The following CTTNBP2NL variants were observed in gnomAD, a reference collection of about 807,000 sequenced individuals.
CTTNBP2NL encodes CTTNBP2 N-terminal like, also known as CTTNBP2 N-terminal-like protein.
In CTTNBP2NL, 16 loss-of-function variants were observed where a neutral mutation model predicts 32.5. That is an observed-to-expected ratio of 0.49 (90% CI 0.33 to 0.75). The LOEUF is 0.75. Among genes scored for constraint, CTTNBP2NL ranks in the 30% least tolerant of loss-of-function variants. CTTNBP2NL has a pLI of 0.02. For synonymous variants in CTTNBP2NL, 298 were observed against 289.4 expected (o/e 1.03, Z -0.30); for missense variants, 645 against 756.0 (o/e 0.85, Z 1.72).
intron 4 of CTTNBP2NL, among the ~76,000 whole-genome samples, chr1:112,452,335 C>CTTCTTTTTTTTTTTTTTTTTTTTTTTT (rs1553227272): frequency 1.2e-4 from 8 of 65,720 alleles, no homozygotes; most frequent in African/African-American, 4.9e-4. Flanking sequence ...CCAGTCTCTT[C>CTTCTTTTTTTTTTTTTTTTTTTTTTTT]TTTTTTTTTT....
chr1:112,451,860 G>A (rs2101032315), intron 4 of CTTNBP2NL, among the ~76,000 whole-genome samples: 1 of 151,644 alleles, frequency 6.6e-6, no homozygotes, highest in East Asian at 1.9e-4. Context: ...CCTCTCCTCT[G>A]CAGTACCTGC....
intron 1 of CTTNBP2NL, among the ~76,000 whole-genome samples, chr1:112,410,267 C>G (rs1648813758): frequency 6.6e-6 from 1 of 152,006 alleles, no homozygotes; most frequent in Admixed American, 6.6e-5. Flanking sequence ...TGGCGCATGC[C>G]TATAATCTCA....
rs377565330 is a variant in CTTNBP2NL at position 112,457,102 on chromosome 1, C to T, written c.1610C>T (p.Ala537Val). The change falls in exon 6 of 6, where the codon GCC (alanine) becomes GTC (valine). Residue 537 changes from alanine to valine, a missense_variant. By Grantham distance (64) the Ala-to-Val change is moderately conservative. Transcript: ENST00000271277. ...SPFGTDYRNL[A>V]NTANPRGDTS... Reference sequence around the variant, plus strand: ...TTTGGCACAGACTATCGAAATCTAGCCAACACTGCCAATCCAAGAGGTGAC... The same window carrying T: ...TTTGGCACAGACTATCGAAATCTAGTCAACACTGCCAATCCAAGAGGTGAC... 2.8e-5 allele frequency: 45 copies of T among 1,614,160 alleles called. No homozygotes were observed. In the African/African-American group the frequency reaches 5.2e-4, roughly 19 times the overall value.
At chr1:112,424,110 T>G (rs1304062357) in intron 3 of CTTNBP2NL, among the ~76,000 whole-genome samples, 3 of 152,184 alleles carry the variant, frequency 2.0e-5, no homozygotes, top group Non-Finnish European at 2.9e-5. Flanking sequence ...TTTCTCCTGT[T>G]TTTTTGTTTT....
intron 3 of CTTNBP2NL, among the ~76,000 whole-genome samples, chr1:112,444,592 TC>T (rs1195895035): frequency 1.3e-5 from 2 of 152,236 alleles, no homozygotes; most frequent in African/African-American, 4.8e-5. Flanking sequence ...CATCATGTTT[TC>T]TGACAATGTA....
chr1:112,452,335 C>CT (rs1157736195), intron 4 of CTTNBP2NL, among the ~76,000 whole-genome samples: 2,436 of 65,714 alleles, frequency 0.037, 225 homozygotes, highest in African/African-American at 0.074. Flanking sequence ...CCAGTCTCTT[C>CT]TTTTTTTTTT....
intron 4 of CTTNBP2NL, among the ~76,000 whole-genome samples, chr1:112,452,316 A>AC (rs1359842041): frequency 7.0e-6 from 1 of 142,752 alleles, no homozygotes; most frequent in Non-Finnish European, 1.5e-5. Flanking sequence ...ACAAGCATAC[A>AC]CCACAGCACC....
chr1:112,438,554 C>T (rs1649804547), intron 3 of CTTNBP2NL, among the ~76,000 whole-genome samples: 1 of 152,038 alleles, frequency 6.6e-6, no homozygotes, highest in African/African-American at 2.4e-5. Flanking sequence ...TATTTGGATG[C>T]CCTTTATTTA....
intron 3 of CTTNBP2NL, among the ~76,000 whole-genome samples, chr1:112,429,737 G>T (rs886396912): frequency 6.6e-6 from 1 of 152,042 alleles, no homozygotes; most frequent in Non-Finnish European, 1.5e-5. Context: ...GTAAATTATG[G>T]TATGATTGTA....
At chr1:112,450,621 T>C (rs769834402) in intron 4 of CTTNBP2NL, among the ~76,000 whole-genome samples, 1 of 152,170 alleles carries the variant, frequency 6.6e-6, no homozygotes, top group Non-Finnish European at 1.5e-5. Context: ...TTCATGCCCA[T>C]GGAAGGTGTA....
chr1:112,427,174 G>A (rs370418085), intron 3 of CTTNBP2NL, among the ~76,000 whole-genome samples: 2 of 152,052 alleles, frequency 1.3e-5, no homozygotes, highest in South Asian at 4.2e-4. Context: ...CTCCTTTTAT[G>A]GTAAACCATT....
intron 1 of CTTNBP2NL, among the ~76,000 whole-genome samples, chr1:112,403,921 A>G (rs935733038): frequency 6.6e-6 from 1 of 152,242 alleles, no homozygotes; most frequent in Non-Finnish European, 1.5e-5. Context: ...ATAGACAATG[A>G]TGACCCATTG....
At chr1:112,431,343 A>G (rs1649564765) in intron 3 of CTTNBP2NL, among the ~76,000 whole-genome samples, 1 of 152,256 alleles carries the variant, frequency 6.6e-6, no homozygotes, top group African/African-American at 2.4e-5. Context: ...AGAGAAGAGA[A>G]GCAAAGGAAG....
At chr1:112,413,593 T>C (rs990587662) in intron 2 of CTTNBP2NL, among the ~76,000 whole-genome samples, 1 of 152,322 alleles carries the variant, frequency 6.6e-6, no homozygotes, top group African/African-American at 2.4e-5. Context: ...CTACATGTTC[T>C]TTCCAATATA....
At chr1:112,404,756 T>G (rs549784224) in intron 1 of CTTNBP2NL, among the ~76,000 whole-genome samples, 32 of 152,338 alleles carry the variant, frequency 2.1e-4, no homozygotes, top group African/African-American at 7.5e-4. Flanking sequence ...TAACAAATTA[T>G]ATAGAAATGA....
At chr1:112,401,196 T>G (rs1442890288) in intron 1 of CTTNBP2NL, among the ~76,000 whole-genome samples, 2 of 152,178 alleles carry the variant, frequency 1.3e-5, no homozygotes, top group Non-Finnish European at 2.9e-5. Flanking sequence ...ATTGGTTTTG[T>G]TTTAAATTTT....
intron 3 of CTTNBP2NL, among the ~76,000 whole-genome samples, chr1:112,440,351 T>A (rs2780272): frequency 6.6e-6 from 1 of 152,230 alleles, no homozygotes; most frequent in African/African-American, 2.4e-5. Flanking sequence ...CGATTACTTA[T>A]CATTTCTGTT....
intron 3 of CTTNBP2NL, among the ~76,000 whole-genome samples, chr1:112,426,145 T>C (rs1252896296): frequency 6.6e-6 from 1 of 152,136 alleles, no homozygotes; most frequent in African/African-American, 2.4e-5. Context: ...TTTATCAGAT[T>C]AAGGAAATTT....
At chr1:112,409,468 T>C (rs377228764) in intron 1 of CTTNBP2NL, among the ~76,000 whole-genome samples, 1 of 152,294 alleles carries the variant, frequency 6.6e-6, no homozygotes, top group South Asian at 2.1e-4. Flanking sequence ...TCAGGAGCTA[T>C]CTAAGCCTCA....
Sources: gnomAD v4.1 joint callset for allele counts (sites outside exome capture counted in the v4.1 genomes callset) on GRCh38, gnomAD v4.1.1 for gene constraint, MANE v1.5 for transcripts, NCBI Gene and HGNC (gene_info 2026-07-23, HGNC 2026-07-21) for gene names.